Variants in TPPP observed in about 807,000 individuals in gnomAD.
The protein encoded by TPPP is tubulin polymerization-promoting protein.
TPPP carries 6 observed loss-of-function variants against 15.5 expected under a neutral mutation model. The ratio of observed to expected loss-of-function variants is 0.39; its 90% CI spans 0.21 to 0.77. The LOEUF (loss-of-function observed/expected upper bound fraction) is 0.77. TPPP is among the 30% of genes least tolerant of loss of function. The pLI, the probability that TPPP is intolerant of heterozygous loss-of-function variation, is 0.42. For missense variants in TPPP, 269 were observed against 307.2 expected (o/e 0.88, Z 0.93); for synonymous variants, 146 against 133.9 (o/e 1.09, Z -0.63).
chr5:681,180 C>T (rs911432385), intron 1 of TPPP, among the ~76,000 whole-genome samples: 3 of 152,220 alleles, frequency 2.0e-5, no homozygotes, highest in African/African-American at 7.2e-5. Context: ...CTCCACTTTC[C>T]CAGTTTCTGG....
intron 1 of TPPP, chr5:692,680 C>T (rs1240313316): frequency 1.0e-6 from 1 of 982,636 alleles, no homozygotes; most frequent in African/African-American, 1.8e-5. Flanking sequence ...GCCACAGGCC[C>T]GCGGACAGTA....
intron 2 of TPPP, among the ~76,000 whole-genome samples, chr5:673,005 G>A (rs991135038): frequency 3.9e-5 from 6 of 152,224 alleles, no homozygotes; most frequent in Non-Finnish European, 5.9e-5. Context: ...CCTGAAAACA[G>A]AAATCGGTAG....
chr5:675,206 G>A (rs1286889057), intron 2 of TPPP, among the ~76,000 whole-genome samples: 5 of 128,442 alleles, frequency 3.9e-5, no homozygotes, highest in Non-Finnish European at 6.7e-5. Context: ...CAGGGGTTCA[G>A]TGTAGCCGGG....
chr5:665,422 GA>G, intron 3 of TPPP, 126 bp from the exon 4 acceptor site: 13 of 836,540 alleles, frequency 1.6e-5, no homozygotes, highest in Non-Finnish European at 2.4e-5. Context: ...TAAACCCTGG[GA>G]TTTATGCCCC....
At chr5:682,270 T>G in intron 1 of TPPP, among the ~76,000 whole-genome samples, 1 of 142,380 alleles carries the variant, frequency 7.0e-6, no homozygotes, top group African/African-American at 2.9e-5. Context: ...GGAACAGGGG[T>G]CTCGCACTTG....
chr5:674,562 A>G (rs555898472), intron 2 of TPPP, among the ~76,000 whole-genome samples: 1 of 152,220 alleles, frequency 6.6e-6, no homozygotes, highest in South Asian at 2.1e-4. Context: ...TCTGTGCCAG[A>G]GGCTCTGGCC....
chr5:665,058 C>A lies in TPPP; in HGVS notation c.*44G>T. 6.3e-7 allele frequency: 1 copy of A among 1,582,172 alleles called. No individual in the cohort carries two copies. Among genetic ancestry groups the A allele is most frequent in the South Asian group, 1.1e-5 (1 of 89,256 alleles). ...AATGAAGTGCGAGGTGACAGAGTCCCTGCTCTGGGGACACCGGCAGTGCCG... is the reference window on the plus strand; with the variant it reads ...AATGAAGTGCGAGGTGACAGAGTCCATGCTCTGGGGACACCGGCAGTGCCG... On this transcript the variant is annotated 3_prime_UTR_variant, in exon 4 of 4. Transcript: ENST00000360578.
At chr5:683,665 C>A (rs1219866986) in intron 1 of TPPP, among the ~76,000 whole-genome samples, 12 of 152,232 alleles carry the variant, frequency 7.9e-5, no homozygotes, top group African/African-American at 2.9e-4. Flanking sequence ...GCCCTCAGGG[C>A]ACTGGCATCC....
rs771456734 is a variant in TPPP at position 664,860 on chromosome 5, G to A, written c.*242C>T. ...GCGAGACACTTTGGAAATGGCTGAG[G>A]ACGAGGCAGGTGTATTAGGAGGGTC... On this transcript the variant is annotated 3_prime_UTR_variant, in exon 4 of 4. Coordinates refer to ENST00000360578, the MANE Select transcript of TPPP (RefSeq NM_007030.3). 1.1e-5 allele frequency: 6 copies of A among 540,002 alleles called. No individual in the cohort carries two copies. The highest frequency in any genetic ancestry group is 2.0e-5 in the Non-Finnish European group (6 of 301,854). 33.5% of individuals were successfully genotyped at this position (540,002 alleles called of 1,614,324 possible).
At position 665,113 on chromosome 5, in the gene TPPP, C is replaced by A; in HGVS notation, c.649G>T (p.Gly217Trp). 1 of 1,610,876 alleles carries A rather than the reference C, an allele frequency of 6.2e-7. No individual in the cohort carries two copies. Among genetic ancestry groups the A allele is most frequent in the Non-Finnish European group, 8.5e-7 (1 of 1,179,926 alleles). The change falls in exon 4 of 4, where the codon GGG (glycine) becomes TGG (tryptophan). Residue 217 changes from glycine to tryptophan, a missense_variant. Gly to Trp is a radical substitution (Grantham distance 184, BLOSUM62 -2). Transcript: ENST00000360578. ...HAGTYDQKVQ[G>W]GK ...GCATGGAGCGGGGGCTACTTGCCCC[C>A]TTGCACCTTCTGGTCGTAGGTGCCT... is the stretch of plus-strand genomic sequence containing the variant.
intron 2 of TPPP, among the ~76,000 whole-genome samples, chr5:668,777 C>T (rs1325977687): frequency 6.6e-6 from 1 of 152,254 alleles, no homozygotes; most frequent in African/African-American, 2.4e-5. Flanking sequence ...CCAAACAATC[C>T]AGTGCCCTTC....
chr5:681,033 C>A (rs1042974983), intron 1 of TPPP, among the ~76,000 whole-genome samples: 2 of 152,164 alleles, frequency 1.3e-5, no homozygotes, highest in African/African-American at 4.8e-5. Context: ...AATAAGAATA[C>A]ATTTAATTTT....
intron 2 of TPPP, among the ~76,000 whole-genome samples, chr5:677,375 G>A (rs544802533): frequency 4.0e-4 from 61 of 152,308 alleles, no homozygotes; most frequent in Admixed American, 8.5e-4. Context: ...CACTCCTGGG[G>A]AAGCCCAGTG....
chr5:697,118 C>T (rs376636404), upstream of TPPP, among the ~76,000 whole-genome samples: 11 of 150,680 alleles, frequency 7.3e-5, no homozygotes, highest in South Asian at 4.2e-4. Flanking sequence ...TCTGGTTATT[C>T]TGGGGGTGGA....
intron 3 of TPPP, among the ~76,000 whole-genome samples, chr5:665,545 C>T (rs747203998): frequency 2.6e-5 from 4 of 151,938 alleles, no homozygotes; most frequent in Non-Finnish European, 4.4e-5. Context: ...TTGGGGACCC[C>T]ACCACCTGCA....
In TPPP at chr5:669,732, G is replaced by A. The variant is rs1480535568; in HGVS notation, c.312-3609C>T. On this transcript the variant is annotated intron_variant, in intron 2 of 3. Coordinates refer to ENST00000360578, the MANE Select transcript of TPPP (RefSeq NM_007030.3). ...CGGACACCTGCTCTGCGCGCTCCCCGAGTGTCTCGGGGAAAGGGCGCCCGG... is the reference window on the plus strand; with the variant it reads ...CGGACACCTGCTCTGCGCGCTCCCCAAGTGTCTCGGGGAAAGGGCGCCCGG... 6.6e-5 allele frequency among the ~76,000 whole-genome samples: 10 copies of A among 152,072 alleles called. No individual in the cohort carries two copies. The East Asian group carries it at 9.7e-4, about 15-fold the overall frequency.
At chr5:674,064 C>T (rs1235520569) in intron 2 of TPPP, among the ~76,000 whole-genome samples, 1 of 152,264 alleles carries the variant, frequency 6.6e-6, no homozygotes, top group African/African-American at 2.4e-5. Flanking sequence ...CAAGGCTGTG[C>T]ACATGGGGCC....
intron 2 of TPPP, among the ~76,000 whole-genome samples, chr5:674,419 G>C (rs549909795): frequency 6.6e-6 from 1 of 150,912 alleles, no homozygotes; most frequent in African/African-American, 2.5e-5. Context: ...CTCTGGACCT[G>C]GCGGCCACAC....
In TPPP at chr5:662,796, C is replaced by G. The variant is rs1739691182; in HGVS notation, c.*2306G>C. 1 of 152,522 alleles carries G rather than the reference C, an allele frequency of 6.6e-6. No homozygotes were observed. Among genetic ancestry groups the G allele is most frequent in the Non-Finnish European group, 1.5e-5 (1 of 68,138 alleles). 9.4% of individuals were successfully genotyped at this position (152,522 alleles called of 1,614,324 possible). On this transcript the variant is annotated 3_prime_UTR_variant, in exon 4 of 4. Coordinates refer to ENST00000360578, the MANE Select transcript of TPPP (RefSeq NM_007030.3). ...CCACCCTGTTTGGTGACCACTCGTC[C>G]TCGGCCTTTTCAACACAAGGGCTTT...
Sources: allele counts gnomAD v4.1 joint callset (sites outside exome capture counted in the v4.1 genomes callset), GRCh38; gene constraint gnomAD v4.1.1; transcripts MANE v1.5; gene names NCBI Gene and HGNC (gene_info 2026-07-23, HGNC 2026-07-21).